CNNM2: variants seen among roughly 807,000 people sequenced by gnomAD.
CNNM2 encodes the protein metal transporter CNNM2.
CNNM2 carries 12 observed loss-of-function variants against 66.9 expected under a neutral mutation model. That is an observed-to-expected ratio of 0.18 (90% CI 0.11 to 0.29). CNNM2 has a LOEUF of 0.29. Ranked by LOEUF, CNNM2 falls within the 10% of genes least tolerant of loss-of-function variation. CNNM2 has a pLI of 1.00. For missense variants in CNNM2, 705 were observed against 1,167.7 expected (o/e 0.60, Z 5.77); for synonymous variants, 557 against 501.8 (o/e 1.11, Z -1.47).
At chr10:102,958,464 T>G (rs1476542123) in intron 1 of CNNM2, among the ~76,000 whole-genome samples, 3 of 111,366 alleles carry the variant, frequency 2.7e-5, no homozygotes, top group African/African-American at 1.1e-4. Flanking sequence ...AACTTGTTTT[T>G]TTTTTTTTTT....
chr10:103,076,300 C>T, intron 7 of CNNM2, 30 bp downstream of exon 7: 1 of 1,547,876 alleles, frequency 6.5e-7, no homozygotes, highest in South Asian at 1.2e-5. Flanking sequence ...TGTGGCTGGA[C>T]CTGGCAGTTA....
At chr10:103,073,091 G>A (rs766044774) in intron 6 of CNNM2, among the ~76,000 whole-genome samples, 4 of 152,250 alleles carry the variant, frequency 2.6e-5, no homozygotes. Flanking sequence ...CTCTGCTCGC[G>A]CTGGCGCCCG....
At chr10:102,986,984 AAGCACAGAT>A in intron 1 of CNNM2, among the ~76,000 whole-genome samples, 1 of 152,212 alleles carries the variant, frequency 6.6e-6, no homozygotes, top group Middle Eastern at 3.4e-3. Flanking sequence ...CAGAAGGAAC[AAGCACAGAT>A]TTCTGCTGAT....
At chr10:102,961,967 A>G (rs2063387190) in intron 1 of CNNM2, among the ~76,000 whole-genome samples, 1 of 120,946 alleles carries the variant, frequency 8.3e-6, no homozygotes, top group African/African-American at 3.1e-5. Flanking sequence ...AAACAAACTT[A>G]TGACTTGAAA....
At chr10:102,988,244 G>C (rs549476178) in intron 1 of CNNM2, among the ~76,000 whole-genome samples, 1 of 152,282 alleles carries the variant, frequency 6.6e-6, no homozygotes, top group South Asian at 2.1e-4. Context: ...GGAGGTTGCA[G>C]TGAGCCGGGA....
At chr10:102,981,361 C>T (rs2063717214) in intron 1 of CNNM2, among the ~76,000 whole-genome samples, 1 of 151,720 alleles carries the variant, frequency 6.6e-6, no homozygotes, top group African/African-American at 2.4e-5. Flanking sequence ...AAAAAAACCC[C>T]AAAACAAATA....
chr10:102,978,360 T>C (rs978564006), intron 1 of CNNM2, among the ~76,000 whole-genome samples: 1 of 152,094 alleles, frequency 6.6e-6, no homozygotes, highest in East Asian at 1.9e-4. Flanking sequence ...GTCCTGTCTT[T>C]CCAGTTGTCA....
intron 1 of CNNM2, among the ~76,000 whole-genome samples, chr10:102,987,367 C>G (rs1026848481): frequency 6.6e-6 from 1 of 152,140 alleles, no homozygotes; most frequent in Admixed American, 6.6e-5. Flanking sequence ...GTCACCCAGA[C>G]TGGAGTGCAG....
intron 3 of CNNM2, among the ~76,000 whole-genome samples, chr10:103,055,873 A>C (rs2065286714): frequency 6.6e-6 from 1 of 152,194 alleles, no homozygotes; most frequent in Non-Finnish European, 1.5e-5. Context: ...GGGCCAAGGC[A>C]GGCTGATTGC....
chr10:103,045,363 A>G (rs566035890), intron 1 of CNNM2, among the ~76,000 whole-genome samples: 1 of 152,298 alleles, frequency 6.6e-6, no homozygotes, highest in African/African-American at 2.4e-5. Flanking sequence ...CTAGGCTTGT[A>G]GACACAGCTG....
chr10:102,999,220 G>C (rs1463581242), intron 1 of CNNM2, among the ~76,000 whole-genome samples: 1 of 150,396 alleles, frequency 6.6e-6, no homozygotes, highest in Non-Finnish European at 1.5e-5. Flanking sequence ...ACAGGTGCCC[G>C]TCACCCTGCC....
intron 1 of CNNM2, among the ~76,000 whole-genome samples, chr10:103,037,109 T>G (rs1006053724): frequency 6.6e-6 from 1 of 151,892 alleles, no homozygotes; most frequent in African/African-American, 2.4e-5. Context: ...GTTTCAAAAT[T>G]AAAATAAAAT....
rs79778281 is a variant in CNNM2, at chr10:103,049,071, C to G, written c.1622-636C>G. 4.0e-3 allele frequency among the ~76,000 whole-genome samples: 614 copies of G among 152,198 alleles called. 20 individuals carry two copies. In the East Asian group the frequency reaches 0.072, roughly 18 times the overall value. ...GTGTTGCCTAGGCTGATTGTGAACC[C>G]CTGGGCTCAAGTGGTCTTCCCGCCC... On this transcript the variant is annotated intron_variant, in intron 1 of 7. Transcript: ENST00000369878.
chr10:102,977,771 A>C (rs1451894659), intron 1 of CNNM2, among the ~76,000 whole-genome samples: 4 of 152,154 alleles, frequency 2.6e-5, no homozygotes. Flanking sequence ...CAGTAAGCCA[A>C]GAGCGAGACT....
chr10:102,996,605 G>A (rs761617553), intron 1 of CNNM2, among the ~76,000 whole-genome samples: 1 of 152,192 alleles, frequency 6.6e-6, no homozygotes, highest in Non-Finnish European at 1.5e-5. Context: ...TCGGGAGGCC[G>A]AGGTGGGAGG....
intron 4 of CNNM2, among the ~76,000 whole-genome samples, chr10:103,059,034 T>C (rs937551916): frequency 1.3e-5 from 2 of 152,180 alleles, no homozygotes; most frequent in Non-Finnish European, 2.9e-5. Flanking sequence ...AGTGCAGTGG[T>C]GTGATCTTGG....
intron 1 of CNNM2, among the ~76,000 whole-genome samples, chr10:103,029,212 C>T (rs2064773550): frequency 6.6e-6 from 1 of 151,332 alleles, no homozygotes; most frequent in Admixed American, 6.6e-5. Flanking sequence ...ACCTGTAATC[C>T]CAGTACTTTA....
Position 103,087,870 on chromosome 10 carries a change from C to CAAAGT in CNNM2, c.*10692_*10696dup, listed in dbSNP as rs1352868595. On this transcript the variant is annotated 3_prime_UTR_variant, in exon 8 of 8. Transcript: ENST00000369878. Reference sequence around the variant, plus strand: ...GACTTAATCTGAAGCCATATAAGTCCAAAGTAGTGAGACAGACAGTATATC... The same window carrying CAAAGT: ...GACTTAATCTGAAGCCATATAAGTCCAAAGTAAAGTAGTGAGACAGACAGTATATC... 1 of 152,128 alleles carries CAAAGT rather than the reference C, an allele frequency of 6.6e-6. No homozygotes were observed. Among genetic ancestry groups the CAAAGT allele is most frequent in the Non-Finnish European group, 1.5e-5 (1 of 68,020 alleles). 9.4% of individuals were successfully genotyped at this position (152,128 alleles called of 1,614,324 possible).
At chr10:103,075,537 G>A (rs914028404) in intron 6 of CNNM2, among the ~76,000 whole-genome samples, 5 of 152,254 alleles carry the variant, frequency 3.3e-5, no homozygotes, top group African/African-American at 1.2e-4. Flanking sequence ...AGACATCCTC[G>A]GGCTACCTGA....
Sources: allele counts gnomAD v4.1 joint callset (sites outside exome capture counted in the v4.1 genomes callset), GRCh38; gene constraint gnomAD v4.1.1; transcripts MANE v1.5; gene names NCBI Gene and HGNC (gene_info 2026-07-23, HGNC 2026-07-21).